The following DYNC1H1 variants were observed in gnomAD, a reference collection of about 807,000 sequenced individuals.
DYNC1H1 encodes the protein dynein cytoplasmic 1 heavy chain 1.
In DYNC1H1, 51 loss-of-function variants were observed where a neutral mutation model predicts 527.1. That is an observed-to-expected ratio of 0.10 (90% CI 0.08 to 0.12). The LOEUF (loss-of-function observed/expected upper bound fraction) is 0.12. Ranked by LOEUF, DYNC1H1 falls within the 10% of genes least tolerant of loss-of-function variation. The pLI is 1.00. For missense variants in DYNC1H1, 2,771 were observed against 5,971.8 expected (o/e 0.46, Z 17.66); for synonymous variants, 2,189 against 2,278.8 (o/e 0.96, Z 1.12).
At position 102,001,509 on chromosome 14, in the gene DYNC1H1, C is replaced by G; in HGVS notation, c.4396-26C>G. 1 of 1,614,104 alleles carries G rather than the reference C, an allele frequency of 6.2e-7. No homozygotes were observed. Among genetic ancestry groups the G allele is most frequent in the South Asian group, 1.1e-5 (1 of 91,066 alleles). On this transcript the variant is annotated intron_variant, in intron 20 of 77. Transcript: ENST00000360184. This position sits in a 1 kb window ranked among gnomAD's most constrained non-coding sequence, Gnocchi z 5.0. ...GTAGTGAATGCCCACATATTGATAA[C>G]ATGCATCTTTCTGGTTTGAATTCAG... is the stretch of plus-strand genomic sequence containing the variant.
chr14:102,033,033 A>G lies in DYNC1H1; in HGVS notation c.10080-32A>G. On this transcript the variant is annotated intron_variant, in intron 52 of 77. Transcript: ENST00000360184. The surrounding 1 kb of genome is among the most constrained non-coding windows in gnomAD (Gnocchi z 5.6). ...AAACTCTTCCTTGCTTTTGTCCTGC[A>G]TGTGTTTAGAAATATCATTCGTCTT... 6.3e-7 allele frequency: 1 copy of G among 1,595,826 alleles called. No homozygotes were observed. The highest frequency in any genetic ancestry group is 8.6e-7 in the Non-Finnish European group (1 of 1,163,454).
intron 10 of DYNC1H1, 86 bp downstream of exon 10, chr14:101,988,938 G>A: frequency 1.3e-6 from 2 of 1,562,198 alleles, no homozygotes; most frequent in Non-Finnish European, 1.7e-6. Flanking sequence ...AGGTCACTTA[G>A]TGTGGACACC....
Position 102,029,429 on chromosome 14 carries a change from G to C in DYNC1H1, c.9469-110G>C, listed in dbSNP as rs1372588862. 6.8e-7 allele frequency: 1 copy of C among 1,465,404 alleles called. No homozygotes were observed. Among genetic ancestry groups the C allele is most frequent in the South Asian group, 1.2e-5 (1 of 84,630 alleles). The allele number at this position is 1,465,404 out of a possible 1,614,324, so 90.8% of individuals were successfully genotyped here. The stretch of plus-strand genomic sequence containing the variant: ...CGACTCGAGTGTTCTGGCCCCGAGG[G>C]CCAGGCTCCTTCTATCATGTCACAC... On this transcript the variant is annotated intron_variant, in intron 48 of 77. Transcript: ENST00000360184. This position sits in a 1 kb window ranked among gnomAD's most constrained non-coding sequence, Gnocchi z 5.3.
intron 34 of DYNC1H1, among the ~76,000 whole-genome samples, chr14:102,014,802 G>GT (rs1294821251): frequency 6.6e-6 from 1 of 151,610 alleles, no homozygotes; most frequent in East Asian, 1.9e-4. Context: ...GGTGTTTTTT[G>GT]TTTTTTTTAC....
At chr14:102,013,966 T>G (rs1264751367) in intron 34 of DYNC1H1, among the ~76,000 whole-genome samples, 1 of 152,214 alleles carries the variant, frequency 6.6e-6, no homozygotes, top group Non-Finnish European at 1.5e-5. Context: ...GATCAGCTTA[T>G]GAGCCTTTAA....
chr14:102,046,413 G>A (rs2048719407), intron 72 of DYNC1H1, among the ~76,000 whole-genome samples: 1 of 152,308 alleles, frequency 6.6e-6, no homozygotes, highest in East Asian at 1.9e-4. Flanking sequence ...AGAATCAGGA[G>A]GGATAAGCCA....
Position 101,983,698 on chromosome 14 carries a change from A to G in DYNC1H1, c.1461+89A>G, listed in dbSNP as rs2047894805. On this transcript the variant is annotated intron_variant, in intron 7 of 77. Transcript: ENST00000360184. The surrounding 1 kb of genome is among the most constrained non-coding windows in gnomAD (Gnocchi z 5.3). ...TTTTTTTTTTGTTGTTGTTGTTGAG[A>G]TGAAGTTTCACTCTTGTTGCCCAGG... The G allele has an allele frequency of 7.0e-7, 1 of 1,431,652 alleles. No individual in the cohort carries two copies. Among genetic ancestry groups the G allele is most frequent in the Non-Finnish European group, 9.5e-7 (1 of 1,054,480 alleles). 88.7% of individuals were successfully genotyped at this position (1,431,652 alleles called of 1,614,324 possible).
At position 102,050,250 on chromosome 14, in the gene DYNC1H1, A is replaced by G. The variant is rs879220752; in HGVS notation, c.13812+52A>G. 4 of 1,613,618 alleles carry G rather than the reference A, an allele frequency of 2.5e-6. No homozygotes were observed. The Admixed American group carries it at 5.0e-5, about 20-fold the overall frequency. On this transcript the variant is annotated intron_variant, in intron 77 of 77. Coordinates refer to ENST00000360184, the MANE Select transcript of DYNC1H1 (RefSeq NM_001376.5). ...ATTCTGCAGGGACCCCTGCGGTAAC[A>G]AGGGCAGAGGCGGCTCCTCTTCTAT...
intron 43 of DYNC1H1, among the ~76,000 whole-genome samples, chr14:102,024,595 T>C (rs1404086861): frequency 6.6e-6 from 1 of 151,990 alleles, no homozygotes; most frequent in Non-Finnish European, 1.5e-5. Flanking sequence ...GTGTGTTCAA[T>C]ATTGGTAGAA....
chr14:102,004,751 A>G lies in DYNC1H1; in HGVS notation c.5050-11A>G, dbSNP rs368217526. ...TGCATACCTCATTTCTTAAAATTGTATTTATTTCAGGTTATGTTTAAAACT... is the reference window on the plus strand; with the variant it reads ...TGCATACCTCATTTCTTAAAATTGTGTTTATTTCAGGTTATGTTTAAAACT... On this transcript the variant is annotated splice_polypyrimidine_tract_variant and intron_variant, in intron 24 of 77. Coordinates refer to ENST00000360184, the MANE Select transcript of DYNC1H1 (RefSeq NM_001376.5). 5.0e-6 allele frequency: 8 copies of G among 1,614,046 alleles called. No homozygotes were observed. The highest frequency in any genetic ancestry group is 4.0e-5 in the African/African-American group (3 of 74,936).
Position 102,050,629 on chromosome 14 carries a change from T to TA in DYNC1H1, c.*67dup. ...ATTTAACATTTATTCATTTTTAAAA[T>TA]ATTTGGAAGGTCTGAGCTTGTGAAA... On this transcript the variant is annotated 3_prime_UTR_variant, in exon 78 of 78. Coordinates refer to ENST00000360184, the MANE Select transcript of DYNC1H1 (RefSeq NM_001376.5). 6 of 1,612,282 alleles carry TA rather than the reference T, an allele frequency of 3.7e-6. No individual in the cohort carries two copies. Among genetic ancestry groups the TA allele is most frequent in the Non-Finnish European group, 5.1e-6 (6 of 1,178,726 alleles).
At position 102,049,838 on chromosome 14, in the gene DYNC1H1, C is replaced by T. The variant is rs2048780089; in HGVS notation, c.13640C>T (p.Thr4547Ile). The T allele has an allele frequency of 6.2e-7, 1 of 1,613,938 alleles. No homozygotes were observed. Among genetic ancestry groups the T allele is most frequent in the South Asian group, 1.1e-5 (1 of 91,088 alleles). The change falls in exon 76 of 78, where the codon ACC (threonine) becomes ATC (isoleucine). Residue 4547 changes from threonine to isoleucine, a missense_variant. This residue lies in a region of DYNC1H1 where 106 missense variants were observed against 139.2 expected (regional missense o/e 0.76). Transcript: ENST00000360184. This position sits in a 1 kb window ranked among gnomAD's most constrained non-coding sequence, Gnocchi z 5.5. The stretch of plus-strand genomic sequence containing the variant: ...CTCTGCCTGGAAGTCAACGTCACCA[C>T]CTCACAGGGCGCCACCCTTGACGCT... ...EELCLEVNVT[T>I]SQGATLDACS... is the part of the protein sequence containing the mutation.
chr14:102,000,312 C>G lies in DYNC1H1; in HGVS notation c.3987C>G (p.Leu1329=). The G allele has an allele frequency of 3.1e-6, 5 of 1,614,170 alleles. No individual in the cohort carries two copies. The highest frequency in any genetic ancestry group is 2.5e-6 in the Non-Finnish European group (3 of 1,180,032). The change falls in exon 18 of 78, where the codon CTC becomes CTG. Residue 1329 remains leucine, a synonymous_variant. Coordinates refer to ENST00000360184, the MANE Select transcript of DYNC1H1 (RefSeq NM_001376.5). ...VQVALEELQD[L]KGVWSELSKV... ...TGGCCTTAGAAGAATTACAGGACCT[C>G]AAAGGCGTTTGGTCAGAACTTTCTA... is the stretch of plus-strand genomic sequence containing the variant.
chr14:102,047,728 T>G, intron 72 of DYNC1H1, 89 bp from the exon 73 acceptor site: 1 of 1,538,948 alleles, frequency 6.5e-7, no homozygotes, highest in South Asian at 1.1e-5. Flanking sequence ...ACTCACCATG[T>G]GGCCTTTACG....
At chr14:102,030,062 G>A in intron 50 of DYNC1H1, 100 bp from the exon 51 acceptor site, 2 of 1,583,506 alleles carry the variant, frequency 1.3e-6, no homozygotes, top group Non-Finnish European at 1.7e-6. Context: ...GAGAGAGTGT[G>A]TGTGTGTGTG....
Position 101,995,310 on chromosome 14 carries a change from G to T in DYNC1H1, c.3564+10G>T. On this transcript the variant is annotated intron_variant, in intron 15 of 77. Transcript: ENST00000360184. ...TGAGAAGCAAGTTGAGGTGAGCTCT[G>T]TGCATATTTAAAAATTTTTGGCTGG... The T allele has an allele frequency of 6.2e-7, 1 of 1,614,072 alleles. No individual in the cohort carries two copies. Among genetic ancestry groups the T allele is most frequent in the Non-Finnish European group, 8.5e-7 (1 of 1,180,010 alleles).
chr14:102,009,657 C>G, intron 29 of DYNC1H1, 186 bp from the exon 30 acceptor site: 1 of 833,490 alleles, frequency 1.2e-6, no homozygotes, highest in Non-Finnish European at 1.8e-6. Context: ...GGAATGGGTC[C>G]ACCTGGGCTG....
Position 102,039,322 on chromosome 14 carries a change from G to C in DYNC1H1, c.11460+68G>C. 1 of 1,611,862 alleles carries C rather than the reference G, an allele frequency of 6.2e-7. No individual in the cohort carries two copies. The highest frequency in any genetic ancestry group is 8.5e-7 in the Non-Finnish European group (1 of 1,179,962). Reference sequence around the variant, plus strand: ...TAGCTCCTTGGCCGCACAGAGGCTGGCGGGCCCTGCACAGTAGCTCCTTGG... The same window carrying C: ...TAGCTCCTTGGCCGCACAGAGGCTGCCGGGCCCTGCACAGTAGCTCCTTGG... On this transcript the variant is annotated intron_variant, in intron 60 of 77. Transcript: ENST00000360184. This position sits in a 1 kb window ranked among gnomAD's most constrained non-coding sequence, Gnocchi z 7.0.
Position 102,033,635 on chromosome 14 carries a change from T to A in DYNC1H1, c.10413+151T>A. ...GGAGGACTTTTTTCCTGGAAAATAA[T>A]ACACACTGAGTAGTCACTAAGTGTT... is the stretch of plus-strand genomic sequence containing the variant. On this transcript the variant is annotated intron_variant, in intron 54 of 77. Coordinates refer to ENST00000360184, the MANE Select transcript of DYNC1H1 (RefSeq NM_001376.5). This position sits in a 1 kb window ranked among gnomAD's most constrained non-coding sequence, Gnocchi z 5.6. 1.1e-6 allele frequency: 1 copy of A among 952,244 alleles called. No homozygotes were observed. The highest frequency in any genetic ancestry group is 1.6e-6 in the Non-Finnish European group (1 of 617,852). The allele number at this position is 952,244 out of a possible 1,614,324, so 59.0% of individuals were successfully genotyped here. A position where few individuals can be genotyped will look rare whatever the true frequency, so the allele number is the denominator to read the frequency against.
Sources: gnomAD v4.1 joint callset for allele counts (sites outside exome capture counted in the v4.1 genomes callset) on GRCh38, gnomAD v4.1.1 for gene constraint, gnomAD v4.1.1 regional missense constraint, Gnocchi (gnomAD v3.1) non-coding constraint, MANE v1.5 for transcripts, NCBI Gene and HGNC (gene_info 2026-07-23, HGNC 2026-07-21) for gene names.